CALY: variants seen among roughly 807,000 people sequenced by gnomAD.
The protein encoded by CALY is calcyon neuron specific vesicular protein, also known as neuron-specific vesicular protein calcyon.
In CALY, 15 loss-of-function variants were observed where a neutral mutation model predicts 20.2. That is an observed-to-expected ratio of 0.74 (90% CI 0.50 to 1.14). The LOEUF is 1.14. CALY is among the 50% of genes most tolerant of loss of function. The probability of loss-of-function intolerance (pLI) is 0.00; values close to 1 mark genes in which losing one functional copy is unlikely to be tolerated. For missense variants in CALY, 270 were observed against 304.4 expected (o/e 0.89, Z 0.84); for synonymous variants, 129 against 131.8 (o/e 0.98, Z 0.15).
chr10:133,327,821 G>A (rs1564786103), intron 3 of CALY, 84 bp downstream of exon 3: 2 of 898,278 alleles, frequency 2.2e-6, no homozygotes, highest in Non-Finnish European at 3.6e-6. Context: ...AGACTGGCCT[G>A]GACGGAACCC....
intron 3 of CALY, 137 bp downstream of exon 3, chr10:133,327,768 T>C: frequency 1.4e-6 from 1 of 724,804 alleles, no homozygotes; most frequent in Non-Finnish European, 2.5e-6. Context: ...CTGGGCGGGA[T>C]GACTCACTGC....
intron 1 of CALY, among the ~76,000 whole-genome samples, chr10:133,335,781 C>G (rs1263486122): frequency 2.0e-5 from 3 of 152,210 alleles, no homozygotes; most frequent in Non-Finnish European, 2.9e-5. Flanking sequence ...TTCTGCGGGT[C>G]CCCTGCGCCC....
chr10:133,331,203 C>T (rs1848300727), intron 1 of CALY, among the ~76,000 whole-genome samples: 1 of 152,158 alleles, frequency 6.6e-6, no homozygotes, highest in South Asian at 2.1e-4. Context: ...CACAGCAAAC[C>T]TCACTGAATG....
chr10:133,326,389 C>A, intron 4 of CALY: 2 of 874,906 alleles, frequency 2.3e-6, no homozygotes, highest in Non-Finnish European at 3.7e-6. Flanking sequence ...CTCTGCGGAG[C>A]GCGCTCCAGA....
chr10:133,333,090 G>C (rs1371248033), intron 1 of CALY, among the ~76,000 whole-genome samples: 1 of 151,854 alleles, frequency 6.6e-6, no homozygotes, highest in Non-Finnish European at 1.5e-5. Context: ...CAGTGGCCAG[G>C]CTCCGCTGTG....
chr10:133,329,004 C>G lies in CALY; in HGVS notation c.-15G>C. The G allele has an allele frequency of 6.4e-7, 1 of 1,551,742 alleles. No homozygotes were observed. Among genetic ancestry groups the G allele is most frequent in the Non-Finnish European group, 8.7e-7 (1 of 1,148,228 alleles). ...AGCTTCACCATGGTGGATGGCAGTC[C>G]TTGTCCTGTCCAAAGACAGACAGAG... On this transcript the variant is annotated 5_prime_UTR_variant, in exon 2 of 6. Transcript: ENST00000252939.
intron 5 of CALY, 110 bp downstream of exon 5, chr10:133,325,689 G>A (rs899199844): frequency 6.3e-6 from 3 of 478,216 alleles, no homozygotes; most frequent in Non-Finnish European, 9.4e-6. Flanking sequence ...GGGCCGGGTC[G>A]GAGGGAAGAG....
intron 2 of CALY, among the ~76,000 whole-genome samples, chr10:133,328,609 G>C (rs901227615): frequency 6.6e-6 from 1 of 152,246 alleles, no homozygotes; most frequent in Admixed American, 6.5e-5. Flanking sequence ...GCGGGGTGCT[G>C]TCTAGGAGTC....
At chr10:133,327,880 C>T (rs1345294165) in intron 3 of CALY, 25 bp downstream of exon 3, 1 of 1,496,896 alleles carries the variant, frequency 6.7e-7, no homozygotes, top group Non-Finnish European at 9.3e-7. Context: ...TGAGTCCCCA[C>T]AGTGGGTGGG....
Position 133,328,986 on chromosome 10 carries a change from C to T in CALY, c.4G>A (p.Val2Met). ...CCAGAGAAGCTGCAGCCCAGCTTCA[C>T]CATGGTGGATGGCAGTCCTTGTCCT... M[V>M]KLGCSFSGKP... The change falls in exon 2 of 6, where the codon GTG becomes ATG. Residue 2 changes from valine (V) to methionine (M), a missense_variant. Physicochemically the swap from Val to Met is conservative, Grantham distance 21. Coordinates refer to ENST00000252939, the MANE Select transcript of CALY (RefSeq NM_015722.4). The T allele has an allele frequency of 6.4e-7, 1 of 1,562,006 alleles. No individual in the cohort carries two copies. Among genetic ancestry groups the T allele is most frequent in the African/African-American group, 1.4e-5 (1 of 73,976 alleles).
intron 1 of CALY, among the ~76,000 whole-genome samples, chr10:133,335,738 G>A (rs532057551): frequency 2.0e-5 from 3 of 152,184 alleles, no homozygotes; most frequent in African/African-American, 7.2e-5. Flanking sequence ...TTCTCCTCCC[G>A]GCCCCTCCCT....
chr10:133,328,411 C>T (rs958892144), intron 2 of CALY, among the ~76,000 whole-genome samples: 1 of 152,170 alleles, frequency 6.6e-6, no homozygotes, highest in South Asian at 2.1e-4. Flanking sequence ...CTGCATGACT[C>T]CCTGGGGGGT....
chr10:133,329,376 C>CCTT (rs148539604), intron 1 of CALY, among the ~76,000 whole-genome samples: 1 of 142,792 alleles, frequency 7.0e-6, no homozygotes, highest in South Asian at 2.3e-4. Context: ...TTCTTATTCT[C>CCTT]CTTCTTCTTC....
intron 4 of CALY, among the ~76,000 whole-genome samples, chr10:133,326,611 G>T (rs941140522): frequency 3.9e-5 from 6 of 152,092 alleles, no homozygotes; most frequent in African/African-American, 1.4e-4. Context: ...GAGGACAGAT[G>T]ACCCCTAGAG....
intron 1 of CALY, among the ~76,000 whole-genome samples, chr10:133,333,589 G>A (rs986700289): frequency 6.6e-6 from 1 of 151,442 alleles, no homozygotes; most frequent in African/African-American, 2.4e-5. Flanking sequence ...CAGGTGGGAA[G>A]GGTCGGAGAG....
chr10:133,333,592 T>C (rs1279627368), intron 1 of CALY, among the ~76,000 whole-genome samples: 1 of 145,180 alleles, frequency 6.9e-6, no homozygotes, highest in African/African-American at 2.6e-5. Context: ...GTGGGAAGGG[T>C]CGGAGAGCGG....
intron 1 of CALY, among the ~76,000 whole-genome samples, chr10:133,334,614 G>T (rs1442178052): frequency 6.7e-6 from 1 of 149,670 alleles, no homozygotes; most frequent in African/African-American, 2.5e-5. Context: ...CGAAGGATCT[G>T]AAGGGGGAAG....
At chr10:133,329,499 A>G (rs1338518014) in intron 1 of CALY, among the ~76,000 whole-genome samples, 3 of 150,658 alleles carry the variant, frequency 2.0e-5, no homozygotes, top group East Asian at 1.9e-4. Flanking sequence ...CAGTCCTACC[A>G]TCTCAGCCTC....
intron 1 of CALY, among the ~76,000 whole-genome samples, chr10:133,333,164 G>A (rs567925662): frequency 6.6e-6 from 1 of 151,626 alleles, no homozygotes; most frequent in East Asian, 1.9e-4. Context: ...CAGAGCTTCT[G>A]CCCAGCTGCT....
Sources: gnomAD v4.1 joint callset for allele counts (sites outside exome capture counted in the v4.1 genomes callset) on GRCh38, gnomAD v4.1.1 for gene constraint, MANE v1.5 for transcripts, NCBI Gene and HGNC (gene_info 2026-07-23, HGNC 2026-07-21) for gene names.